RBM33: variants seen among roughly 807,000 people sequenced by gnomAD.
RBM33 encodes the protein RNA binding motif protein 33, also known as RNA-binding protein 33.
A neutral mutation model predicts 132.6 loss-of-function variants in RBM33; 28 were observed. The observed-to-expected ratio is 0.21, with a 90% CI of 0.16 to 0.29. The LOEUF (loss-of-function observed/expected upper bound fraction) is 0.29, where lower values mean the gene tolerates loss of function less well. RBM33 is among the 10% of genes least tolerant of loss of function. The probability of loss-of-function intolerance (pLI) is 1.00; values close to 1 mark genes in which losing one functional copy is unlikely to be tolerated. For missense variants in RBM33, 1,291 were observed against 1,518.5 expected (o/e 0.85, Z 2.49); for synonymous variants, 634 against 593.0 (o/e 1.07, Z -1.01).
intron 1 of RBM33, among the ~76,000 whole-genome samples, chr7:155,658,327 C>G (rs1319975165): frequency 6.6e-6 from 1 of 150,730 alleles, no homozygotes; most frequent in Non-Finnish European, 1.5e-5. Flanking sequence ...CTTTCACTTT[C>G]AATTTATTAG....
intron 4 of RBM33, among the ~76,000 whole-genome samples, chr7:155,679,677 T>C (rs1799284334): frequency 1.3e-5 from 2 of 152,252 alleles, no homozygotes; most frequent in South Asian, 4.1e-4. Context: ...AAGTTTTAAA[T>C]TATTCTACCA....
chr7:155,699,642 GT>G (rs1272657658), intron 5 of RBM33, among the ~76,000 whole-genome samples: 1 of 152,188 alleles, frequency 6.6e-6, no homozygotes, highest in East Asian at 1.9e-4. Flanking sequence ...GAAAGTTGTA[GT>G]TTACTGTCAT....
chr7:155,677,884 T>C (rs1030973722), intron 3 of RBM33, among the ~76,000 whole-genome samples: 1 of 152,142 alleles, frequency 6.6e-6, no homozygotes, highest in African/African-American at 2.4e-5. Flanking sequence ...AATTTACATA[T>C]ACCATTTATA....
At chr7:155,767,185 G>A (rs1388999065) in intron 16 of RBM33, among the ~76,000 whole-genome samples, 1 of 152,246 alleles carries the variant, frequency 6.6e-6, no homozygotes, top group Non-Finnish European at 1.5e-5. Context: ...CAAATGAGAT[G>A]CATGAAAAGG....
intron 1 of RBM33, among the ~76,000 whole-genome samples, chr7:155,653,539 G>C (rs1798412450): frequency 1.3e-5 from 2 of 151,304 alleles, no homozygotes; most frequent in Admixed American, 1.3e-4. Flanking sequence ...CCCATGTTAA[G>C]AGGGTTAGAA....
chr7:155,716,535 G>GT (rs1261768084), intron 8 of RBM33, among the ~76,000 whole-genome samples: 1 of 151,994 alleles, frequency 6.6e-6, no homozygotes, highest in Non-Finnish European at 1.5e-5. Flanking sequence ...TAAATTCCAA[G>GT]TTTCTAAGTG....
At chr7:155,737,793 A>G (rs757844939) in intron 10 of RBM33, 131 bp downstream of exon 10, 2 of 1,080,304 alleles carry the variant, frequency 1.9e-6, no homozygotes, top group Non-Finnish European at 2.6e-6. Flanking sequence ...TTTGTACCAT[A>G]GCAGTTCTGC....
intron 1 of RBM33, among the ~76,000 whole-genome samples, chr7:155,649,954 C>T (rs941255359): frequency 1.3e-5 from 2 of 152,186 alleles, no homozygotes; most frequent in Admixed American, 6.5e-5. Flanking sequence ...AAGTTGTTTT[C>T]TGAGCATGTG....
rs2117037942 is a variant in RBM33 at position 155,745,801 on chromosome 7, G to A, written c.2979+199G>A. ...CATTCTCAGAAATGTGTTGTTAGGC[G>A]ATTTTGTCATTGTCTGAACGTGCTA... On this transcript the variant is annotated intron_variant, in intron 14 of 17. Transcript: ENST00000401878. This position sits in a 1 kb window ranked among gnomAD's most constrained non-coding sequence, Gnocchi z 4.1. 6.6e-6 allele frequency: 4 copies of A among 603,850 alleles called. No homozygotes were observed. The highest frequency in any genetic ancestry group is 5.7e-5 in the East Asian group (2 of 35,126). 37.4% of individuals were successfully genotyped at this position (603,850 alleles called of 1,614,324 possible).
chr7:155,720,185 G>A (rs1288205104), intron 9 of RBM33, among the ~76,000 whole-genome samples: 1 of 152,094 alleles, frequency 6.6e-6, no homozygotes, highest in Non-Finnish European at 1.5e-5. Flanking sequence ...GAAATAGTTG[G>A]GCTAGAAATG....
Position 155,688,179 on chromosome 7 carries a change from A to G in RBM33, c.567+7271A>G, listed in dbSNP as rs532059366. Among the ~76,000 whole-genome samples the G allele has an allele frequency of 1.5e-3, 223 of 152,236 alleles. 2 individuals carry two copies. The highest frequency in any genetic ancestry group is 5.3e-3 in the African/African-American group (221 of 41,540). ...AGCAGTGGTTTGTAGTTCTCCTTGA[A>G]GAGATCCTTCACATCCCTTGTAAGT... On this transcript the variant is annotated intron_variant, in intron 5 of 17. Transcript: ENST00000401878.
Position 155,774,512 on chromosome 7 carries a change from T to A in RBM33, c.3376-47T>A. On this transcript the variant is annotated intron_variant, in intron 16 of 17. Transcript: ENST00000401878. This position sits in a 1 kb window ranked among gnomAD's most constrained non-coding sequence, Gnocchi z 4.2. Reference sequence around the variant, plus strand: ...CTTAAATATATATATTCATATTTTTTATTGTCATTTACAACTGATCTTAAA... The same window carrying A: ...CTTAAATATATATATTCATATTTTTAATTGTCATTTACAACTGATCTTAAA... 1 of 1,338,746 alleles carries A rather than the reference T, an allele frequency of 7.5e-7. No individual in the cohort carries two copies. Among genetic ancestry groups the A allele is most frequent in the Non-Finnish European group, 1.1e-6 (1 of 931,836 alleles). The allele number at this position is 1,338,746 out of a possible 1,614,324, so 82.9% of individuals were successfully genotyped here. A position where few individuals can be genotyped will look rare whatever the true frequency, so the allele number is the denominator to read the frequency against.
intron 10 of RBM33, among the ~76,000 whole-genome samples, 153 bp from the exon 11 acceptor site, chr7:155,737,907 G>C (rs1801181710): frequency 6.6e-6 from 1 of 152,118 alleles, no homozygotes; most frequent in Non-Finnish European, 1.5e-5. Context: ...AAGCAATCTA[G>C]AAATAAGAGG....
chr7:155,675,811 C>G (rs1320705048), intron 3 of RBM33, among the ~76,000 whole-genome samples: 11 of 152,144 alleles, frequency 7.2e-5, no homozygotes, highest in African/African-American at 2.7e-4. Flanking sequence ...TGCCAATTTA[C>G]CTTCCAGAAA....
At position 155,738,402 on chromosome 7, in the gene RBM33, A is replaced by G. The variant is rs1223779869; in HGVS notation, c.1736A>G (p.Gln579Arg). Residue 579 changes from glutamine (Q) to arginine (R), a missense_variant and splice_region_variant, in exon 11 of 18, where the codon CAG becomes CGG. By Grantham distance (43) the Gln-to-Arg change is conservative (BLOSUM62 1). Coordinates refer to ENST00000401878, the MANE Select transcript of RBM33 (RefSeq NM_053043.3). ...CCCACACACACACAGCCCAACCTGCAGGTAATGCATCCTGAGTGAACCTCC... is the reference window on the plus strand; with the variant it reads ...CCCACACACACACAGCCCAACCTGCGGGTAATGCATCCTGAGTGAACCTCC... ...FLPTHTQPNL[Q>R]GPLHPPLPPP... The G allele has an allele frequency of 6.2e-7, 1 of 1,609,932 alleles. No homozygotes were observed. Among genetic ancestry groups the G allele is most frequent in the South Asian group, 1.1e-5 (1 of 90,886 alleles).
At chr7:155,736,830 G>A (rs1327001529) in intron 9 of RBM33, among the ~76,000 whole-genome samples, 1 of 152,180 alleles carries the variant, frequency 6.6e-6, no homozygotes, top group Non-Finnish European at 1.5e-5. Context: ...ATGGGAAATA[G>A]GCCAATAATT....
chr7:155,673,944 T>TGTTGTTTTTTTG (rs1563138306), intron 3 of RBM33, among the ~76,000 whole-genome samples: 2 of 86,470 alleles, frequency 2.3e-5, no homozygotes, highest in African/African-American at 9.1e-5. Flanking sequence ...GGCTTAGTTT[T>TGTTGTTTTTTTG]TTTTTTTTTT....
intron 14 of RBM33, among the ~76,000 whole-genome samples, chr7:155,751,721 G>A (rs1801690985): frequency 1.3e-5 from 2 of 152,160 alleles, no homozygotes; most frequent in African/African-American, 2.4e-5. Flanking sequence ...TTGATGGGGC[G>A]GCGGGTGGGT....
intron 14 of RBM33, among the ~76,000 whole-genome samples, chr7:155,748,212 G>A (rs777564006): frequency 3.9e-5 from 6 of 152,122 alleles, no homozygotes; most frequent in African/African-American, 7.2e-5. Context: ...TTGTTGGTTC[G>A]CGTTTCCCAT....
Sources: allele counts gnomAD v4.1 joint callset (sites outside exome capture counted in the v4.1 genomes callset), GRCh38; gene constraint gnomAD v4.1.1; non-coding constraint Gnocchi (gnomAD v3.1); transcripts MANE v1.5; gene names NCBI Gene and HGNC (gene_info 2026-07-23, HGNC 2026-07-21).